SVOP: variants seen among roughly 807,000 people sequenced by gnomAD.
The protein encoded by SVOP is synaptic vesicle 2-related protein.
In SVOP, 17 loss-of-function variants were observed where a neutral mutation model predicts 69.1. The observed-to-expected ratio is 0.25, with a 90% CI of 0.17 to 0.37. The LOEUF is 0.37. Among genes scored for constraint, SVOP ranks in the 10% least tolerant of loss-of-function variants. The pLI, the probability that SVOP is intolerant of heterozygous loss-of-function variation, is 1.00. For missense variants in SVOP, 435 were observed against 597.5 expected (o/e 0.73, Z 2.84); for synonymous variants, 238 against 238.6 (o/e 1.00, Z 0.02).
chr12:109,020,755 C>CCCA (rs2040392464), intron 1 of SVOP, 79 bp downstream of exon 1: 5 of 174,538 alleles, frequency 2.9e-5, no homozygotes, highest in Non-Finnish European at 5.9e-5. Context: ...CAGAGATGTA[C>CCCA]CCCCCCCCAC....
At position 108,966,169 on chromosome 12, in the gene SVOP, T is replaced by C. The variant is rs540899496; in HGVS notation, c.454-5122A>G. Among the ~76,000 whole-genome samples, 157 of 152,214 alleles carry C rather than the reference T, an allele frequency of 1.0e-3. 4 individuals are homozygous for C. The South Asian group carries it at 0.02, about 20-fold the overall frequency. On this transcript the variant is annotated intron_variant, in intron 5 of 15. Coordinates refer to ENST00000610966, the MANE Select transcript of SVOP (RefSeq NM_018711.5). ...TCACATGCCATCATGCCTGGCTACA[T>C]TTTCTTATTTAATCCCCCCATTAAA...
intron 1 of SVOP, among the ~76,000 whole-genome samples, chr12:108,987,002 A>G (rs544403714): frequency 6.6e-6 from 1 of 152,328 alleles, no homozygotes; most frequent in East Asian, 1.9e-4. Context: ...TATACATGCC[A>G]TATTAAAATA....
intron 1 of SVOP, among the ~76,000 whole-genome samples, chr12:109,002,701 C>T (rs991077481): frequency 9.3e-5 from 14 of 150,786 alleles, no homozygotes; most frequent in South Asian, 4.2e-4. Context: ...AGTAAACTAC[C>T]GCAAGAACAA....
At chr12:108,987,536 G>A (rs942999774) in intron 1 of SVOP, among the ~76,000 whole-genome samples, 2 of 152,146 alleles carry the variant, frequency 1.3e-5, no homozygotes, top group African/African-American at 4.8e-5. Flanking sequence ...TTCCACAGTG[G>A]CTGCACCGTT....
rs576116231 is a variant in SVOP, at chr12:108,977,509, C to T, written c.283-13G>A. 19 of 1,514,550 alleles carry T rather than the reference C, an allele frequency of 1.3e-5. No homozygotes were observed. The highest frequency in any genetic ancestry group is 1.7e-4 in the Middle Eastern group (1 of 5,942). The allele number at this position is 1,514,550 out of a possible 1,614,324, so 93.8% of individuals were successfully genotyped here. On this transcript the variant is annotated splice_polypyrimidine_tract_variant and intron_variant, in intron 3 of 15. Transcript: ENST00000610966. ...TGGCATCAGCCATCTGCAGAGAGGA[C>T]GGAGACATCATGAGGCCAGGATGCT...
chr12:108,955,053 T>A (rs529083874), intron 6 of SVOP, among the ~76,000 whole-genome samples: 109 of 152,316 alleles, frequency 7.2e-4, no homozygotes, highest in Non-Finnish European at 1.2e-3. Context: ...TTCTTACTAC[T>A]TCTATGTCAT....
At position 108,937,324 on chromosome 12, in the gene SVOP, T is replaced by G. The variant is rs2039862488; in HGVS notation, c.911A>C (p.Lys304Thr). ...ATGGGGTGTGAAAAGGTCCCTCATT[T>G]TGCCTCGGTCTTCCTGTTTCAAAAC... Reference protein sequence around the residue: ...LIISRQEDRGKMRDLFTPHFR... With the variant: ...LIISRQEDRGTMRDLFTPHFR... The change falls in exon 10 of 16, where the codon AAA (lysine) becomes ACA (threonine). Residue 304 changes from lysine to threonine, a missense_variant. By Grantham distance (78) the Lys-to-Thr change is moderately conservative. Coordinates refer to ENST00000610966, the MANE Select transcript of SVOP (RefSeq NM_018711.5). The G allele has an allele frequency of 6.2e-7, 1 of 1,613,982 alleles. No homozygotes were observed. The highest frequency in any genetic ancestry group is 8.5e-7 in the Non-Finnish European group (1 of 1,179,860).
intron 1 of SVOP, among the ~76,000 whole-genome samples, chr12:109,000,989 G>A (rs1242518767): frequency 6.6e-6 from 1 of 151,700 alleles, no homozygotes; most frequent in Non-Finnish European, 1.5e-5. Context: ...AGGAAATAAA[G>A]GGTATTCAAT....
chr12:108,964,365 T>G (rs148482376), intron 5 of SVOP, among the ~76,000 whole-genome samples: 5,544 of 151,890 alleles, frequency 0.037, 625 homozygotes, highest in Admixed American at 0.22. Flanking sequence ...TTTAATCCCT[T>G]TCTTTTGGCT....
In SVOP at chr12:108,964,988, AAACACATGTTG is replaced by A. The variant is rs542484438; in HGVS notation, c.454-3952_454-3942del. 7.1e-3 allele frequency among the ~76,000 whole-genome samples: 1,085 copies of A among 152,338 alleles called. 4 individuals carry two copies. Among genetic ancestry groups the A allele is most frequent in the Non-Finnish European group, 9.1e-3 (617 of 68,028 alleles). On this transcript the variant is annotated intron_variant, in intron 5 of 15. Transcript: ENST00000610966. Reference sequence around the variant, plus strand: ...TCACCCATTCATTCATTTATTCAATAAACACATGTTGAACACATGCTGTGTAGCCAGCATTA... The same window carrying A: ...TCACCCATTCATTCATTTATTCAATAAACACATGCTGTGTAGCCAGCATTA...
In SVOP at chr12:108,983,777, A is replaced by T. The variant is rs1398254078; in HGVS notation, c.36-16T>A. ...TTTCACAACCCTAGAGAACAGAACA[A>T]ATCTGGTCAAGATGGCTAAAGCTTC... On this transcript the variant is annotated splice_polypyrimidine_tract_variant and intron_variant, in intron 1 of 15. Transcript: ENST00000610966. 1 of 398,746 alleles carries T rather than the reference A, an allele frequency of 2.5e-6. No individual in the cohort carries two copies. Among genetic ancestry groups the T allele is most frequent in the East Asian group, 3.6e-5 (1 of 28,072 alleles). The allele number at this position is 398,746 out of a possible 1,614,324, so 24.7% of individuals were successfully genotyped here.
At chr12:108,914,050 C>A (rs896995664) in intron 15 of SVOP, among the ~76,000 whole-genome samples, 14 of 152,238 alleles carry the variant, frequency 9.2e-5, no homozygotes, top group African/African-American at 3.4e-4. Context: ...GAGCTCTCAA[C>A]CAGCATCAGT....
chr12:108,956,784 T>C (rs966412541), intron 6 of SVOP, among the ~76,000 whole-genome samples: 3 of 152,044 alleles, frequency 2.0e-5, no homozygotes, highest in African/African-American at 4.8e-5. Flanking sequence ...TAGAAGCGGA[T>C]GTATGGCCTG....
chr12:108,985,173 G>C (rs1159523470), intron 1 of SVOP, among the ~76,000 whole-genome samples: 1 of 151,830 alleles, frequency 6.6e-6, no homozygotes, highest in Non-Finnish European at 1.5e-5. Flanking sequence ...GCTGCAGTGA[G>C]CCGTGATCAT....
At chr12:108,940,174 C>T (rs911798194) in intron 8 of SVOP, among the ~76,000 whole-genome samples, 1 of 152,160 alleles carries the variant, frequency 6.6e-6, no homozygotes, top group Non-Finnish European at 1.5e-5. Flanking sequence ...CACAGTTAAG[C>T]TTAATAATTA....
chr12:109,020,769 C>CCCCCCCCCCCCCCT, intron 1 of SVOP, 65 bp downstream of exon 1: 1 of 470,634 alleles, frequency 2.1e-6, no homozygotes, highest in Non-Finnish European at 4.2e-6. Context: ...CCCCCACCCC[C>CCCCCCCCCCCCCCT]CTTGCAGGTT....
At chr12:108,968,737 T>C (rs962104788) in intron 5 of SVOP, among the ~76,000 whole-genome samples, 2 of 126,672 alleles carry the variant, frequency 1.6e-5, no homozygotes, top group African/African-American at 5.9e-5. Flanking sequence ...GTGTGCATGT[T>C]TGTCTTTTGT....
intron 1 of SVOP, among the ~76,000 whole-genome samples, chr12:108,996,992 A>G (rs1171130767): frequency 2.6e-5 from 4 of 152,230 alleles, no homozygotes; most frequent in African/African-American, 9.6e-5. Context: ...TCCGGTCTAC[A>G]GCTCCCAGCG....
intron 1 of SVOP, among the ~76,000 whole-genome samples, chr12:109,012,567 A>T (rs10744768): frequency 0.53 from 79,798 of 151,952 alleles, 22,972 homozygotes; most frequent in South Asian, 0.72. Flanking sequence ...TAAAATAATT[A>T]AAAAAATTTC....
Sources: gnomAD v4.1 joint callset for allele counts (sites outside exome capture counted in the v4.1 genomes callset) on GRCh38, gnomAD v4.1.1 for gene constraint, MANE v1.5 for transcripts, NCBI Gene and HGNC (gene_info 2026-07-23, HGNC 2026-07-21) for gene names.